Variants in TUBA1C observed in about 807,000 individuals in gnomAD.
The protein encoded by TUBA1C is tubulin alpha 1c, also known as tubulin alpha-1C chain.
A neutral mutation model predicts 34.9 loss-of-function variants in TUBA1C; 16 were observed. That is an observed-to-expected ratio of 0.46 (90% confidence interval 0.31 to 0.70). The LOEUF (loss-of-function observed/expected upper bound fraction) is 0.70. Ranked by LOEUF, TUBA1C falls within the 30% of genes least tolerant of loss-of-function variation. The probability of loss-of-function intolerance (pLI) is 0.05; values close to 1 mark genes in which losing one functional copy is unlikely to be tolerated. For synonymous variants in TUBA1C, 177 were observed against 215.9 expected, an observed-to-expected ratio of 0.82 and a Z score of 1.58; for missense variants, 329 against 587.3, an observed-to-expected ratio of 0.56 and a Z score of 4.55.
chr12:49,239,200 G>A (rs10047512), intron 1 of TUBA1C, among the ~76,000 whole-genome samples: 3,039 of 152,202 alleles, frequency 0.02, 100 homozygotes, highest in African/African-American at 0.069. Context: ...CTTTTCCTGA[G>A]CTGCTTCAAG....
Position 49,272,527 on chromosome 12 carries a change from T to A in TUBA1C, c.650T>A (p.Leu217His). The change falls in exon 4 of 4, where the codon CTC becomes CAC. Residue 217 changes from leucine to histidine, a missense_variant. Transcript: ENST00000301072. Reference sequence around the variant, plus strand: ...ATCTATGACATCTGTCGTAGAAACCTCGATATCGAGCGCCCAACCTACACT... The same window carrying A: ...ATCTATGACATCTGTCGTAGAAACCACGATATCGAGCGCCCAACCTACACT... ...EAIYDICRRN[L>H]DIERPTYTNL... The A allele has an allele frequency of 4.4e-6, 7 of 1,609,028 alleles. No individual in the cohort carries two copies. The highest frequency in any genetic ancestry group is 5.9e-6 in the Non-Finnish European group (7 of 1,177,750).
chr12:49,232,270 T>C (rs1391091841), intron 1 of TUBA1C, among the ~76,000 whole-genome samples: 1 of 152,176 alleles, frequency 6.6e-6, no homozygotes, highest in Non-Finnish European at 1.5e-5. Flanking sequence ...AATAAACCTA[T>C]AGTATTTACA....
intron 1 of TUBA1C, among the ~76,000 whole-genome samples, chr12:49,248,840 C>T (rs1224910492): frequency 6.9e-6 from 1 of 145,266 alleles, no homozygotes; most frequent in Non-Finnish European, 1.5e-5. Flanking sequence ...TGCACTCCAG[C>T]CTGGGTGACA....
intron 1 of TUBA1C, among the ~76,000 whole-genome samples, chr12:49,246,599 C>G: frequency 6.6e-6 from 1 of 151,658 alleles, no homozygotes; most frequent in South Asian, 2.1e-4. Flanking sequence ...GGCATGAACC[C>G]GGGAGGCGGA....
exon 1 of TUBA1C, chr12:49,227,947 C>T (rs949242511): frequency 1.3e-6 from 2 of 1,535,422 alleles, no homozygotes; most frequent in Non-Finnish European, 8.7e-7. Context: ...GGGCGCCCAG[C>T]TCTAAAATGA....
At chr12:49,268,160 C>T (rs968160778) in intron 1 of TUBA1C, among the ~76,000 whole-genome samples, 2 of 152,100 alleles carry the variant, frequency 1.3e-5, no homozygotes, top group African/African-American at 4.8e-5. Context: ...AGTGCAGTGG[C>T]GAGATCTCTG....
chr12:49,233,325 C>T (rs1373866745), intron 1 of TUBA1C: 2 of 152,280 alleles, frequency 1.3e-5, no homozygotes, highest in East Asian at 3.8e-4. Context: ...TTCTGTTTCT[C>T]TGCTGATAAA....
chr12:49,233,684 G>A (rs1942520062), intron 1 of TUBA1C: 1 of 152,272 alleles, frequency 6.6e-6, no homozygotes, highest in African/African-American at 2.4e-5. Context: ...CCTAGACCGA[G>A]TGAACCGTGG....
At chr12:49,270,994 C>CA (rs1407561187) in intron 3 of TUBA1C, among the ~76,000 whole-genome samples, 16 of 146,072 alleles carry the variant, frequency 1.1e-4, no homozygotes, top group South Asian at 2.3e-4. Context: ...AACAAACAAA[C>CA]AAAAAAAACC....
chr12:49,258,729 T>C (rs553239742), intron 1 of TUBA1C, among the ~76,000 whole-genome samples: 19 of 149,076 alleles, frequency 1.3e-4, no homozygotes, highest in Non-Finnish European at 2.8e-4. Flanking sequence ...TGCCCGGCTA[T>C]AAGTAAATAA....
rs1350607842 is a variant in TUBA1C, at chr12:49,273,091, T to C, written c.1214T>C (p.Val405Ala). The C allele has an allele frequency of 1.2e-6, 2 of 1,614,074 alleles. No individual in the cohort carries two copies. Among genetic ancestry groups the C allele is most frequent in the Admixed American group, 3.3e-5 (2 of 60,006 alleles). Residue 405 changes from valine (V) to alanine (A), a missense_variant, in exon 4 of 4, where the codon GTT becomes GCT. Val to Ala is a moderately conservative substitution (Grantham distance 64, BLOSUM62 0). Transcript: ENST00000301072. ...FDLMYAKRAF[V>A]HWYVGEGMEE... is the part of the protein sequence containing the mutation. ...CTGATGTATGCCAAGCGTGCCTTTG[T>C]TCACTGGTACGTGGGTGAGGGGATG...
intron 1 of TUBA1C, among the ~76,000 whole-genome samples, chr12:49,245,661 C>A (rs868384211): frequency 1.4e-4 from 21 of 152,134 alleles, no homozygotes; most frequent in African/African-American, 4.6e-4. Flanking sequence ...GGCATCTTGC[C>A]TGGGGACACT....
chr12:49,249,328 G>A (rs1942709148), intron 1 of TUBA1C, among the ~76,000 whole-genome samples: 2 of 152,046 alleles, frequency 1.3e-5, no homozygotes, highest in African/African-American at 4.8e-5. Flanking sequence ...TCGGGAGGTG[G>A]AGGCAGGAGA....
chr12:49,229,644 A>T (rs1942474792), intron 1 of TUBA1C, among the ~76,000 whole-genome samples: 1 of 151,964 alleles, frequency 6.6e-6, no homozygotes, highest in African/African-American at 2.4e-5. Context: ...TTGGGGGTGT[A>T]ACCAACTATT....
Position 49,272,804 on chromosome 12 carries a change from T to C in TUBA1C, c.927T>C (p.His309=). The change falls in exon 4 of 4, where the codon CAT becomes CAC. Residue 309 remains histidine, a synonymous_variant. Coordinates refer to ENST00000301072, the MANE Select transcript of TUBA1C (RefSeq NM_032704.5). The part of the protein sequence containing the change: ...ANQMVKCDPR[H]GKYMACCLLY... ...AGATGGTGAAATGTGACCCTCGCCA[T>C]GGTAAATACATGGCTTGCTGCCTGT... The C allele has an allele frequency of 6.2e-7, 1 of 1,614,110 alleles. No individual in the cohort carries two copies. The highest frequency in any genetic ancestry group is 8.5e-7 in the Non-Finnish European group (1 of 1,180,024).
chr12:49,263,949 G>C (rs1012869506), upstream of TUBA1C, among the ~76,000 whole-genome samples: 1 of 152,070 alleles, frequency 6.6e-6, no homozygotes, highest in Non-Finnish European at 1.5e-5. Flanking sequence ...GGCCAGGCGC[G>C]GTGGCTCACG....
At chr12:49,261,376 C>T (rs566746457), upstream of TUBA1C, among the ~76,000 whole-genome samples, 1 of 152,230 alleles carries the variant, frequency 6.6e-6, no homozygotes, top group East Asian at 1.9e-4. Context: ...AATGACTTTT[C>T]TAGGACTTCC....
At chr12:49,257,258 G>A (rs147457862) in intron 1 of TUBA1C, among the ~76,000 whole-genome samples, 241 of 152,132 alleles carry the variant, frequency 1.6e-3, no homozygotes, top group Middle Eastern at 3.4e-3. Flanking sequence ...GGCAACATGC[G>A]CTGCTGTGTG....
rs1257008639 is a variant in TUBA1C, at chr12:49,273,059, G to A, written c.1182G>A (p.Lys394=). The A allele has an allele frequency of 6.2e-7, 1 of 1,614,242 alleles. No individual in the cohort carries two copies. Among genetic ancestry groups the A allele is most frequent in the Non-Finnish European group, 8.5e-7 (1 of 1,180,044 alleles). The change falls in exon 4 of 4, where the codon AAG becomes AAA. Residue 394 remains lysine (K), a synonymous_variant. Coordinates refer to ENST00000301072, the MANE Select transcript of TUBA1C (RefSeq NM_032704.5). ...AGGCCTGGGCTCGCCTGGACCACAA[G>A]TTTGACCTGATGTATGCCAAGCGTG... ...VAEAWARLDH[K]FDLMYAKRAF... is the part of the protein sequence containing the mutation.
Sources: allele counts gnomAD v4.1 joint callset (sites outside exome capture counted in the v4.1 genomes callset), GRCh38; gene constraint gnomAD v4.1.1; transcripts MANE v1.5; gene names NCBI Gene and HGNC (gene_info 2026-07-23, HGNC 2026-07-21).